The following INTS11 variants were observed in gnomAD, a reference collection of about 807,000 sequenced individuals.
INTS11 encodes CPSF3-like protein.
In INTS11, 77 loss-of-function variants were observed where a neutral mutation model predicts 78.6. The ratio of observed to expected loss-of-function variants is 0.98; its 90% CI spans 0.81 to 1.18. INTS11 has a LOEUF of 1.18. Among genes scored for constraint, INTS11 ranks in the 50% most tolerant of loss-of-function variants. The probability of loss-of-function intolerance (pLI) is 0.00; values close to 1 mark genes in which losing one functional copy is unlikely to be tolerated. For synonymous variants in INTS11, 441 were observed against 326.9 expected (o/e 1.35, Z -3.77); for missense variants, 875 against 825.9 (o/e 1.06, Z -0.73).
At chr1:1,319,907 C>T (rs10449892) in intron 3 of INTS11, 217,685 of 225,206 alleles carry the variant, frequency 0.97, 105,299 homozygotes, top group African/African-American at 0.99. Flanking sequence ...CAGGAAGGCA[C>T]TGGGGACCCC....
At position 1,312,899 on chromosome 1, in the gene INTS11, G is replaced by A. The variant is rs550179385; in HGVS notation, c.1182C>T (p.Asp394=). 144 of 1,612,598 alleles carry A rather than the reference G, an allele frequency of 8.9e-5. No individual in the cohort carries two copies. In the South Asian group the frequency reaches 9.6e-4, roughly 11 times the overall value. ...VEYMSFSAHA[D]AKGIMQLVGQ... ...CCACCAGCTGCATGATGCCCTTGGC[G>A]TCCGCGTGTGCGCTGAATGACATGT... Residue 394 remains aspartate (D), a synonymous_variant, in exon 12 of 17, where the codon GAC becomes GAT. Transcript: ENST00000435064.
In INTS11 at chr1:1,312,770, C is replaced by T. The variant is rs1418510302; in HGVS notation, c.1294+17G>A. On this transcript the variant is annotated intron_variant, in intron 12 of 16. Coordinates refer to ENST00000435064, the MANE Select transcript of INTS11 (RefSeq NM_017871.6). ...CTGACCCGAGGTGGGCCCCACGCCG[C>T]CCGCCCGGCTGCCTACGGAGCTCCT... is the stretch of plus-strand genomic sequence containing the variant. 1 of 1,602,026 alleles carries T rather than the reference C, an allele frequency of 6.2e-7. No homozygotes were observed. The highest frequency in any genetic ancestry group is 2.2e-5 in the East Asian group (1 of 44,622).
At chr1:1,318,252 A>G (rs574110895) in intron 4 of INTS11, among the ~76,000 whole-genome samples, 1 of 152,320 alleles carries the variant, frequency 6.6e-6, no homozygotes, top group East Asian at 1.9e-4. Flanking sequence ...ATCCCAAGTA[A>G]AAAGTAGAAA....
Position 1,311,833 on chromosome 1 carries a change from G to C in INTS11, c.*26C>G. 2 of 1,537,220 alleles carry C rather than the reference G, an allele frequency of 1.3e-6. No individual in the cohort carries two copies. The highest frequency in any genetic ancestry group is 1.8e-6 in the Non-Finnish European group (2 of 1,141,794). On this transcript the variant is annotated 3_prime_UTR_variant, in exon 17 of 17. Transcript: ENST00000435064. ...GTCTGTCCAGCTGGGAGAGGGCAGA[G>C]GTGGCGGCTGGGTGAGTTGCCGGCC... is the stretch of plus-strand genomic sequence containing the variant.
chr1:1,312,060 C>T lies in INTS11; in HGVS notation c.1695G>A (p.Glu565=). ...SVLLQAAAPS[E]DPGTKVLLVS... ...CCAGCAGCACCTTGGTGCCTGGGTC[C>T]TCAGAAGGGGCGGCGGCCTGGAGGA... Residue 565 remains glutamate, a synonymous_variant, in exon 16 of 17, where the codon GAG becomes GAA. Coordinates refer to ENST00000435064, the MANE Select transcript of INTS11 (RefSeq NM_017871.6). 6.4e-7 allele frequency: 1 copy of T among 1,573,424 alleles called. No individual in the cohort carries two copies. Among genetic ancestry groups the T allele is most frequent in the Non-Finnish European group, 8.6e-7 (1 of 1,158,526 alleles).
chr1:1,313,005 C>G (rs774338835), intron 11 of INTS11, 30 bp downstream of exon 11: 8 of 1,611,736 alleles, frequency 5.0e-6, no homozygotes, highest in Non-Finnish European at 6.8e-6. Context: ...CCCCTCGGCC[C>G]TGCCAGCCCA....
At chr1:1,318,298 A>T (rs1307686367) in intron 4 of INTS11, among the ~76,000 whole-genome samples, 1 of 152,190 alleles carries the variant, frequency 6.6e-6, no homozygotes, top group African/African-American at 2.4e-5. Context: ...ATAAATATAT[A>T]AATAAAACTA....
Position 1,312,290 on chromosome 1 carries a change from C to A in INTS11, c.1543G>T (p.Val515Leu). Residue 515 changes from valine (V) to leucine (L), a missense_variant, in exon 15 of 17, where the codon GTG (valine) becomes TTG (leucine). Transcript: ENST00000435064. ...TCCTTGCGTGTGTCATGCAGGTGCA[C>A]GCGGCAGGTGAAGCGCAGCTGGTGC... The part of the protein sequence containing the change: ...AEHQLRFTCR[V>L]HLHDTRKEQE... The A allele has an allele frequency of 6.5e-7, 1 of 1,549,146 alleles. No individual in the cohort carries two copies. The highest frequency in any genetic ancestry group is 8.7e-7 in the Non-Finnish European group (1 of 1,146,906).
At chr1:1,312,986 C>A in intron 11 of INTS11, 37 bp from the exon 12 acceptor site, 1 of 1,612,022 alleles carries the variant, frequency 6.2e-7, no homozygotes, top group Non-Finnish European at 8.5e-7. Flanking sequence ...TGGTTACCAC[C>A]AGGAGGTGCC....
At position 1,315,625 on chromosome 1, in the gene INTS11, A is replaced by G; in HGVS notation, c.430-7T>C. 1 of 1,579,482 alleles carries G rather than the reference A, an allele frequency of 6.3e-7. No homozygotes were observed. ...TCTCCAGCTCATCATCTACCTGTGG[A>G]GGACAGGGCTGCGCTCAGGCTGTGT... On this transcript the variant is annotated splice_polypyrimidine_tract_variant and splice_region_variant and intron_variant, in intron 4 of 16. Transcript: ENST00000435064.
chr1:1,315,267 G>A (rs1570717994), intron 6 of INTS11, 137 bp downstream of exon 6: 22 of 1,096,502 alleles, frequency 2.0e-5, no homozygotes, highest in Non-Finnish European at 2.7e-5. Context: ...GGCCCAGAAC[G>A]AAGGGGGCTC....
chr1:1,314,980 G>A lies in INTS11; in HGVS notation c.564-18C>T. On this transcript the variant is annotated intron_variant, in intron 6 of 16. Coordinates refer to ENST00000435064, the MANE Select transcript of INTS11 (RefSeq NM_017871.6). The surrounding 1 kb of genome is among the most constrained non-coding windows in gnomAD (Gnocchi z 4.2). ...AGGCAGCTCTGGAACACGGGGGTGG[G>A]GGTGTGAGCCACGATGCACTGTCCC... 2 of 1,610,670 alleles carry A rather than the reference G, an allele frequency of 1.2e-6. No individual in the cohort carries two copies. Among genetic ancestry groups the A allele is most frequent in the South Asian group, 1.1e-5 (1 of 91,048 alleles).
At position 1,312,633 on chromosome 1, in the gene INTS11, T is replaced by C. The variant is rs776435483; in HGVS notation, c.1362A>G (p.Val454=). The part of the protein sequence containing the change: ...VTLPTSPSIP[V]GISLGLLKRE... Reference sequence around the variant, plus strand: ...GCTTCAGCAGCCCCAGCGAGATGCCTACGGGGATGCTGGGGCTTGTGGGCA... The same window carrying C: ...GCTTCAGCAGCCCCAGCGAGATGCCCACGGGGATGCTGGGGCTTGTGGGCA... The change falls in exon 13 of 17, where the codon GTA becomes GTG. Residue 454 remains valine, a synonymous_variant. Transcript: ENST00000435064. The C allele has an allele frequency of 1.3e-6, 2 of 1,590,012 alleles. No homozygotes were observed. Among genetic ancestry groups the C allele is most frequent in the Non-Finnish European group, 1.7e-6 (2 of 1,164,296 alleles).
Position 1,317,396 on chromosome 1 carries a change from A to C in INTS11, c.430-1778T>G, listed in dbSNP as rs906458772. 6.1e-6 allele frequency: 4 copies of C among 660,116 alleles called. 1 individual carries two copies. The highest frequency in any genetic ancestry group is 1.4e-4 in the South Asian group (2 of 14,670). The allele number at this position is 660,116 out of a possible 1,614,324, so 40.9% of individuals were successfully genotyped here. A position where few individuals can be genotyped will look rare whatever the true frequency, so the allele number is the denominator to read the frequency against. The stretch of plus-strand genomic sequence containing the variant: ...GGCAATGAGAGCGAAACTCCATCTC[A>C]AAAAAAAAAGAAAAAAAAAAAGAAT... On this transcript the variant is annotated intron_variant, in intron 4 of 16. Transcript: ENST00000435064.
chr1:1,312,784 TACGGA>T lies in INTS11; in HGVS notation c.1292_1294+2del. The T allele has an allele frequency of 6.2e-7, 1 of 1,606,488 alleles. No individual in the cohort carries two copies. The highest frequency in any genetic ancestry group is 8.5e-7 in the Non-Finnish European group (1 of 1,175,684). ...GCCCCACGCCGCCCGCCCGGCTGCC[TACGGA>T]GCTCCTGCTCGATCTTCTGCTTCAG... On this transcript the variant is annotated splice_donor_variant and coding_sequence_variant, in exon 12 of 17. Coordinates refer to ENST00000435064, the MANE Select transcript of INTS11 (RefSeq NM_017871.6). LOFTEE classifies it high-confidence loss of function.
chr1:1,312,505 C>T lies in INTS11; in HGVS notation c.1403-4G>A, dbSNP rs372829048. ...TTCTTGGCCTCAGGGAGCAGCCCTG[C>T]GGAGGAGGTGGCAGGAGCCATCAAT... is the stretch of plus-strand genomic sequence containing the variant. On this transcript the variant is annotated splice_region_variant and splice_polypyrimidine_tract_variant and intron_variant, in intron 13 of 16. Transcript: ENST00000435064. 1.2e-4 allele frequency: 183 copies of T among 1,581,734 alleles called. No individual in the cohort carries two copies. The highest frequency in any genetic ancestry group is 1.4e-4 in the Non-Finnish European group (159 of 1,164,716).
rs1642247801 is a variant in INTS11, at chr1:1,312,270, G to C, written c.1563C>G (p.Arg521=). The C allele has an allele frequency of 6.5e-7, 1 of 1,547,978 alleles. No homozygotes were observed. Among genetic ancestry groups the C allele is most frequent in the South Asian group, 1.2e-5 (1 of 84,060 alleles). The change falls in exon 15 of 17, where the codon CGC becomes CGG. Residue 521 remains arginine (R), a synonymous_variant. Coordinates refer to ENST00000435064, the MANE Select transcript of INTS11 (RefSeq NM_017871.6). ...CGCGCAATGCCGTCTCCTGCTCCTT[G>C]CGTGTGTCATGCAGGTGCACGCGGC... ...FTCRVHLHDT[R]KEQETALRVY... is the part of the protein sequence containing the mutation.
intron 9 of INTS11, 29 bp from the exon 10 acceptor site, chr1:1,313,621 G>A (rs778741231): frequency 1.4e-5 from 23 of 1,612,282 alleles, no homozygotes; most frequent in South Asian, 6.6e-5. Flanking sequence ...CAGGTGGGGG[G>A]TCAGGGCAGC....
intron 4 of INTS11, chr1:1,316,252 A>T (rs1243974909): frequency 6.4e-6 from 1 of 155,548 alleles, no homozygotes; most frequent in African/African-American, 2.4e-5. Context: ...ACTGCACTCT[A>T]GCCTGGGCAA....
Sources: gnomAD v4.1 joint callset for allele counts (sites outside exome capture counted in the v4.1 genomes callset) on GRCh38, gnomAD v4.1.1 for gene constraint, Gnocchi (gnomAD v3.1) non-coding constraint, MANE v1.5 for transcripts, NCBI Gene and HGNC (gene_info 2026-07-23, HGNC 2026-07-21) for gene names.